Variants in GALNT13 observed in about 807,000 individuals in gnomAD.
GALNT13 encodes UDP-GalNAc:polypeptide N-acetylgalactosaminyltransferase 13.
A neutral mutation model predicts 64.2 loss-of-function variants in GALNT13; 28 were observed. The observed-to-expected ratio is 0.44, with a 90% CI of 0.32 to 0.60. GALNT13 has a LOEUF of 0.60. Ranked by LOEUF, GALNT13 falls within the 20% of genes least tolerant of loss-of-function variation. The pLI, the probability that GALNT13 is intolerant of heterozygous loss-of-function variation, is 0.05. For synonymous variants in GALNT13, 214 were observed against 224.6 expected (o/e 0.95, Z 0.42); for missense variants, 577 against 669.8 (o/e 0.86, Z 1.53).
chr2:154,322,844 T>C (rs1355460688), intron 9 of GALNT13, among the ~76,000 whole-genome samples: 1 of 152,116 alleles, frequency 6.6e-6, no homozygotes, highest in Non-Finnish European at 1.5e-5. Flanking sequence ...GGTATTCAGC[T>C]GGCAAATGGG....
the GALNT13 span, among the ~76,000 whole-genome samples, chr2:153,261,118 G>C: frequency 6.6e-6 from 1 of 151,964 alleles, no homozygotes; most frequent in South Asian, 2.1e-4. Context: ...GTGTTATCTT[G>C]TATTTTATTG....
chr2:153,993,045 G>A (rs1391151395), intron 3 of GALNT13, among the ~76,000 whole-genome samples: 1 of 152,026 alleles, frequency 6.6e-6, no homozygotes, highest in Non-Finnish European at 1.5e-5. Context: ...GATTAGGAAA[G>A]GTTAGTTCAA....
chr2:153,483,707 C>T, the GALNT13 span, among the ~76,000 whole-genome samples: 8 of 152,118 alleles, frequency 5.3e-5, no homozygotes, highest in African/African-American at 1.4e-4. Context: ...TGAGCCACCA[C>T]GCCCGGCCCT....
chr2:153,370,551 T>A, the GALNT13 span: 1 of 152,132 alleles, frequency 6.6e-6, no homozygotes, highest in Non-Finnish European at 1.5e-5. Context: ...GTAGACTTAG[T>A]AGAAAATAAA....
chr2:154,235,278 TA>T (rs1376021916), intron 4 of GALNT13, among the ~76,000 whole-genome samples: 2 of 152,286 alleles, frequency 1.3e-5, no homozygotes, highest in East Asian at 1.9e-4. Flanking sequence ...TCTGATTTTT[TA>T]AAAAATTGAA....
chr2:153,656,447 G>C, the GALNT13 span, among the ~76,000 whole-genome samples: 3 of 152,014 alleles, frequency 2.0e-5, no homozygotes, highest in Admixed American at 6.6e-5. Flanking sequence ...GCACTTAGCT[G>C]TGAGTCGCCT....
chr2:153,344,230 A>G, the GALNT13 span, among the ~76,000 whole-genome samples: 1 of 152,206 alleles, frequency 6.6e-6, no homozygotes, highest in Non-Finnish European at 1.5e-5. Flanking sequence ...AGATTAGACA[A>G]GTTCCACCAT....
chr2:153,903,485 A>C (rs1037807999), intron 2 of GALNT13, among the ~76,000 whole-genome samples: 8 of 152,002 alleles, frequency 5.3e-5, no homozygotes, highest in Non-Finnish European at 1.2e-4. Flanking sequence ...ACTGCTTAAG[A>C]CCATGGTCTC....
intron 3 of GALNT13, among the ~76,000 whole-genome samples, chr2:153,994,726 C>T (rs986477041): frequency 2.0e-5 from 3 of 152,034 alleles, no homozygotes; most frequent in Admixed American, 6.6e-5. Context: ...TTTTGAGAAG[C>T]GTCTGTTCAT....
At chr2:153,308,286 A>G in the GALNT13 span, among the ~76,000 whole-genome samples, 2 of 152,162 alleles carry the variant, frequency 1.3e-5, no homozygotes, top group African/African-American at 2.4e-5. Context: ...ACTTTTCTAA[A>G]TGGTTTCCAA....
intron 9 of GALNT13, among the ~76,000 whole-genome samples, chr2:154,306,196 G>A (rs909940173): frequency 4.6e-5 from 7 of 151,984 alleles, no homozygotes; most frequent in African/African-American, 1.7e-4. Flanking sequence ...TACATGTGCA[G>A]AACATGCAGG....
intron 3 of GALNT13, among the ~76,000 whole-genome samples, chr2:153,999,029 C>T (rs1213173216): frequency 6.6e-6 from 1 of 152,092 alleles, no homozygotes; most frequent in Admixed American, 6.6e-5. Flanking sequence ...TGACTTTCTT[C>T]ACGGAATTAG....
chr2:154,329,452 T>C (rs1300136945), intron 9 of GALNT13, among the ~76,000 whole-genome samples: 3 of 152,186 alleles, frequency 2.0e-5, no homozygotes, highest in Non-Finnish European at 4.4e-5. Context: ...TTTTAAAACA[T>C]AGTCAAATTT....
the GALNT13 span, among the ~76,000 whole-genome samples, chr2:153,113,956 G>A: frequency 3.4e-4 from 51 of 152,136 alleles, no homozygotes; most frequent in Non-Finnish European, 5.0e-4. Flanking sequence ...ATTATACATC[G>A]TTTGGGCCCA....
intron 8 of GALNT13, among the ~76,000 whole-genome samples, chr2:154,290,629 G>A (rs1692554880): frequency 6.6e-6 from 1 of 152,146 alleles, no homozygotes; most frequent in Non-Finnish European, 1.5e-5. Context: ...TTAGAAGCTG[G>A]GCCAATCCTC....
intron 8 of GALNT13, among the ~76,000 whole-genome samples, chr2:154,299,841 A>G (rs1234661753): frequency 6.6e-6 from 1 of 152,022 alleles, no homozygotes; most frequent in Non-Finnish European, 1.5e-5. Context: ...TCGTATATTC[A>G]TCTGTATTTC....
chr2:154,033,769 C>T (rs916351071), intron 3 of GALNT13, among the ~76,000 whole-genome samples: 28 of 152,088 alleles, frequency 1.8e-4, no homozygotes, highest in Admixed American at 1.8e-3. Flanking sequence ...GAAACCCCAT[C>T]TCTACTAAAA....
chr2:153,246,676 C>T, the GALNT13 span, among the ~76,000 whole-genome samples: 6 of 152,124 alleles, frequency 3.9e-5, no homozygotes, highest in Non-Finnish European at 7.3e-5. Flanking sequence ...AAAACTGGCA[C>T]CAGCCACTGC....
Position 154,304,429 on chromosome 2 carries a change from AAGG to A in GALNT13, c.1156+2843_1156+2845del, listed in dbSNP as rs1262870837. Among the ~76,000 whole-genome samples the A allele has an allele frequency of 4.6e-5, 7 of 152,312 alleles. No homozygotes were observed. In the East Asian group the frequency reaches 1.4e-3, roughly 29 times the overall value. ...AAATATATAAGTTCAAATATGAATA[AAGG>A]AGTAATGGAGGAAAAAAGTGTGTTA... On this transcript the variant is annotated intron_variant, in intron 9 of 12. Coordinates refer to ENST00000392825, the MANE Select transcript of GALNT13 (RefSeq NM_052917.4).
Sources: allele counts gnomAD v4.1 joint callset (sites outside exome capture counted in the v4.1 genomes callset), GRCh38; gene constraint gnomAD v4.1.1; transcripts MANE v1.5; gene names NCBI Gene and HGNC (gene_info 2026-07-23, HGNC 2026-07-21).